CFDP1: variants seen among roughly 807,000 people sequenced by gnomAD.
CFDP1 encodes heterochromatin-stabilizing protein CFDP1.
A neutral mutation model predicts 40.1 loss-of-function variants in CFDP1; 31 were observed. The ratio of observed to expected loss-of-function variants is 0.77; its 90% confidence interval spans 0.58 to 1.04. CFDP1 has a LOEUF of 1.04. CFDP1 is among the 50% of genes least tolerant of loss of function. The probability of loss-of-function intolerance (pLI) is 0.00; values close to 1 mark genes in which losing one functional copy is unlikely to be tolerated. For synonymous variants in CFDP1, 167 were observed against 120.0 expected, an observed-to-expected ratio of 1.39 and a Z score of -2.56; for missense variants, 423 against 343.4, an observed-to-expected ratio of 1.23 and a Z score of -1.83.
intron 6 of CFDP1, among the ~76,000 whole-genome samples, chr16:75,303,103 G>C (rs1339954741): frequency 6.6e-6 from 1 of 150,426 alleles, no homozygotes; most frequent in African/African-American, 2.5e-5. Flanking sequence ...GGGAGGCTGA[G>C]GCAGGAGAAT....
At chr16:75,320,980 A>AT (rs200893143) in intron 5 of CFDP1, among the ~76,000 whole-genome samples, 49 of 150,046 alleles carry the variant, frequency 3.3e-4, no homozygotes, top group African/African-American at 8.5e-4. Flanking sequence ...CTCAGCTAGT[A>AT]TTTTTTTTTT....
rs2079189358 is a variant in CFDP1, at chr16:75,414,658, C to T, written c.102G>A (p.Val34=). The T allele has an allele frequency of 1.5e-5, 25 of 1,613,582 alleles. No homozygotes were observed. The highest frequency in any genetic ancestry group is 2.1e-5 in the Non-Finnish European group (25 of 1,179,558). Residue 34 remains valine, a synonymous_variant, in exon 2 of 7, where the codon GTG becomes GTA. Coordinates refer to ENST00000283882, the MANE Select transcript of CFDP1 (RefSeq NM_006324.3). ...EYSEDDVNEL[V]KEDEVDGEEQ... Reference sequence around the variant, plus strand: ...CTTCACCATCCACTTCATCTTCCTTCACTAATTCATTTACATCATCTTCAC... The same window carrying T: ...CTTCACCATCCACTTCATCTTCCTTTACTAATTCATTTACATCATCTTCAC...
Position 75,411,933 on chromosome 16 carries a change from T to G in CFDP1, c.422A>C (p.Glu141Ala), listed in dbSNP as rs751042612. 14 of 1,608,244 alleles carry G rather than the reference T, an allele frequency of 8.7e-6. No individual in the cohort carries two copies. The highest frequency in any genetic ancestry group is 1.7e-5 in the Admixed American group (1 of 58,882). The change falls in exon 4 of 7, where the codon GAG becomes GCG. Residue 141 changes from glutamate to alanine, a missense_variant. Transcript: ENST00000283882. The part of the protein sequence containing the change: ...TQVKKGEETE[E>A]TSSSKLLVKA... The stretch of plus-strand genomic sequence containing the variant: ...TACCAACAATTTACTTGAACTTGTC[T>G]CTTCAGTCTCCTCTCCTTTCTATAA...
At chr16:75,400,394 A>C (rs1246289357) in intron 4 of CFDP1, among the ~76,000 whole-genome samples, 1 of 152,206 alleles carries the variant, frequency 6.6e-6, no homozygotes. Flanking sequence ...TGGAATGGCC[A>C]AAAACAGGCA....
intron 6 of CFDP1, among the ~76,000 whole-genome samples, chr16:75,296,438 T>C (rs2078182733): frequency 6.6e-6 from 1 of 150,782 alleles, no homozygotes; most frequent in African/African-American, 2.4e-5. Flanking sequence ...GGTCTCTCCA[T>C]GTTGCCCATG....
intron 5 of CFDP1, among the ~76,000 whole-genome samples, chr16:75,316,217 T>C (rs987754711): frequency 1.3e-5 from 2 of 152,188 alleles, no homozygotes; most frequent in African/African-American, 2.4e-5. Context: ...TTGGGTAAGG[T>C]TGTGACGGCC....
At chr16:75,360,023 G>T (rs1418552262) in intron 5 of CFDP1, among the ~76,000 whole-genome samples, 2 of 152,100 alleles carry the variant, frequency 1.3e-5, no homozygotes, top group Non-Finnish European at 2.9e-5. Flanking sequence ...TCCTGCCTCA[G>T]CCTTCCCAAT....
At chr16:75,424,541 GTCAGGAGATCAAGACCATT>G (rs2079313410) in intron 1 of CFDP1, among the ~76,000 whole-genome samples, 2 of 152,056 alleles carry the variant, frequency 1.3e-5, no homozygotes, top group East Asian at 3.9e-4. Flanking sequence ...GGATCACGAG[GTCAGGAGATCAAGACCATT>G]CTGGCTAACA....
chr16:75,377,086 C>T (rs1273611121), intron 5 of CFDP1, among the ~76,000 whole-genome samples: 1 of 152,340 alleles, frequency 6.6e-6, no homozygotes, highest in East Asian at 1.9e-4. Flanking sequence ...GAATTACTTC[C>T]TGAGCAAAGC....
At chr16:75,338,145 T>C (rs906759810) in intron 5 of CFDP1, among the ~76,000 whole-genome samples, 11 of 152,178 alleles carry the variant, frequency 7.2e-5, no homozygotes, top group African/African-American at 2.7e-4. Context: ...CTGAACTCAA[T>C]GGCAAATCCA....
intron 4 of CFDP1, among the ~76,000 whole-genome samples, chr16:75,410,619 A>G (rs986808408): frequency 6.6e-5 from 10 of 151,608 alleles, no homozygotes; most frequent in African/African-American, 1.9e-4. Flanking sequence ...TAAAACTACA[A>G]AAAAAAAGTC....
intron 5 of CFDP1, among the ~76,000 whole-genome samples, chr16:75,366,630 AAAAC>A (rs996827948): frequency 3.9e-5 from 6 of 152,156 alleles, no homozygotes; most frequent in African/African-American, 1.2e-4. Flanking sequence ...CTCTGTCTCA[AAAAC>A]AAACAAACAA....
intron 5 of CFDP1, among the ~76,000 whole-genome samples, chr16:75,376,325 A>G (rs1270162491): frequency 6.6e-6 from 1 of 152,244 alleles, no homozygotes; most frequent in African/African-American, 2.4e-5. Flanking sequence ...ATATGTCTTC[A>G]AAAAGATTTG....
chr16:75,383,952 T>C (rs1314364756), intron 5 of CFDP1, among the ~76,000 whole-genome samples: 1 of 152,160 alleles, frequency 6.6e-6, no homozygotes, highest in East Asian at 1.9e-4. Context: ...TGATACAATA[T>C]GGAAACTACC....
intron 5 of CFDP1, among the ~76,000 whole-genome samples, chr16:75,347,359 A>AAAAAAG (rs796632491): frequency 0.15 from 8,154 of 52,812 alleles, 466 homozygotes; most frequent in African/African-American, 0.2. Context: ...AAAAAAAAAA[A>AAAAAAG]AAAAAGAAAA....
intron 6 of CFDP1, among the ~76,000 whole-genome samples, chr16:75,300,854 G>C (rs1213713578): frequency 6.6e-6 from 1 of 151,936 alleles, no homozygotes; most frequent in African/African-American, 2.4e-5. Flanking sequence ...GAGCTTTCCT[G>C]GGGAGGAAGA....
intron 5 of CFDP1, among the ~76,000 whole-genome samples, chr16:75,333,053 C>G (rs1432089531): frequency 6.6e-6 from 1 of 151,552 alleles, no homozygotes; most frequent in Admixed American, 6.6e-5. Flanking sequence ...GGTGATCTGC[C>G]TGCTTCGGCC....
intron 5 of CFDP1, among the ~76,000 whole-genome samples, chr16:75,369,084 A>C (rs2078734945): frequency 6.6e-6 from 1 of 152,226 alleles, no homozygotes; most frequent in African/African-American, 2.4e-5. Flanking sequence ...GGTTTGGTTA[A>C]AAATAGGCAC....
At chr16:75,354,436 G>T (rs1439171356) in intron 5 of CFDP1, among the ~76,000 whole-genome samples, 1 of 152,108 alleles carries the variant, frequency 6.6e-6, no homozygotes, top group Non-Finnish European at 1.5e-5. Context: ...GTCCTGGTCT[G>T]CCTAACTCCA....
Sources: allele counts gnomAD v4.1 joint callset (sites outside exome capture counted in the v4.1 genomes callset), GRCh38; gene constraint gnomAD v4.1.1; transcripts MANE v1.5; gene names NCBI Gene and HGNC (gene_info 2026-07-23, HGNC 2026-07-21).